Variants in C8orf34 observed in about 807,000 individuals in gnomAD.
C8orf34 encodes uncharacterized protein C8orf34.
Under a neutral mutation model 68.3 loss-of-function variants are expected in C8orf34, and 65 were observed. That is an observed-to-expected ratio of 0.95 (90% CI 0.78 to 1.17). The LOEUF is 1.17. C8orf34 is among the 50% of genes most tolerant of loss of function. The pLI, the probability that C8orf34 is intolerant of heterozygous loss-of-function variation, is 0.00. For missense variants in C8orf34, 664 were observed against 655.4 expected (o/e 1.01, Z -0.14); for synonymous variants, 244 against 241.2 (o/e 1.01, Z -0.11).
At chr8:68,613,937 C>T (rs968813251) in intron 7 of C8orf34, among the ~76,000 whole-genome samples, 15 of 152,134 alleles carry the variant, frequency 9.9e-5, no homozygotes, top group South Asian at 2.1e-4. Flanking sequence ...TTCTCCACAT[C>T]CTCTCCAGCA....
chr8:68,661,178 T>C (rs1386836466), intron 8 of C8orf34, among the ~76,000 whole-genome samples: 4 of 152,180 alleles, frequency 2.6e-5, no homozygotes, highest in Admixed American at 6.5e-5. Flanking sequence ...AGCGTGGTCA[T>C]TGGACGCAGC....
chr8:68,485,724 A>AAAT (rs1813049789), intron 4 of C8orf34, among the ~76,000 whole-genome samples: 42 of 147,286 alleles, frequency 2.9e-4, no homozygotes, highest in African/African-American at 1.0e-3. Flanking sequence ...AAAAAAATAA[A>AAAT]AAATAAATAA....
At chr8:68,444,561 G>A (rs902305288) in intron 2 of C8orf34, among the ~76,000 whole-genome samples, 6 of 151,974 alleles carry the variant, frequency 3.9e-5, no homozygotes, top group African/African-American at 1.4e-4. Flanking sequence ...AGTGTAGGTG[G>A]ACTCTTCTTT....
At chr8:68,468,894 A>G (rs1486798751) in intron 4 of C8orf34, 74 bp downstream of exon 4, 7 of 1,490,500 alleles carry the variant, frequency 4.7e-6, no homozygotes, top group East Asian at 2.3e-5. Context: ...ACTTGTGCCA[A>G]TAACCCATTT....
chr8:68,379,710 T>A (rs1359936266), intron 1 of C8orf34, among the ~76,000 whole-genome samples: 1 of 152,186 alleles, frequency 6.6e-6, no homozygotes, highest in Non-Finnish European at 1.5e-5. Context: ...AAAGCTCAAA[T>A]AAAATAAACC....
chr8:68,557,200 G>T (rs1816281369), intron 7 of C8orf34, among the ~76,000 whole-genome samples: 1 of 152,064 alleles, frequency 6.6e-6, no homozygotes, highest in African/African-American at 2.4e-5. Context: ...CCTGTGTTTT[G>T]TAATTAACTT....
chr8:68,534,708 T>C, intron 7 of C8orf34: 1 of 985,368 alleles, frequency 1.0e-6, no homozygotes, highest in Non-Finnish European at 1.2e-6. Flanking sequence ...TAACTATACC[T>C]GTAAATGGTT....
intron 12 of C8orf34, among the ~76,000 whole-genome samples, chr8:68,808,637 ATTAT>A (rs1280552524): frequency 6.6e-6 from 1 of 151,838 alleles, no homozygotes; most frequent in Non-Finnish European, 1.5e-5. Flanking sequence ...TAATGTAGAG[ATTAT>A]TTAAAATATA....
At chr8:68,758,763 T>A (rs1822942359) in intron 10 of C8orf34, among the ~76,000 whole-genome samples, 1 of 151,690 alleles carries the variant, frequency 6.6e-6, no homozygotes, top group Admixed American at 6.6e-5. Flanking sequence ...GTTTTTATTT[T>A]TTTATGATTC....
intron 7 of C8orf34, among the ~76,000 whole-genome samples, chr8:68,622,806 G>A (rs1209896444): frequency 6.6e-6 from 1 of 152,142 alleles, no homozygotes; most frequent in South Asian, 2.1e-4. Context: ...ACAAAAATTG[G>A]TGAAAGAGCA....
At chr8:68,511,654 A>G (rs987203502) in intron 5 of C8orf34, among the ~76,000 whole-genome samples, 2 of 152,208 alleles carry the variant, frequency 1.3e-5, no homozygotes, top group Admixed American at 6.5e-5. Flanking sequence ...AGAGGGCTGA[A>G]CATACTGACA....
At chr8:68,396,174 A>C (rs184193351) in intron 1 of C8orf34, among the ~76,000 whole-genome samples, 41 of 152,174 alleles carry the variant, frequency 2.7e-4, no homozygotes, top group Non-Finnish European at 4.7e-4. Context: ...AATAGAAGAC[A>C]TATTTTATTC....
At chr8:68,660,336 C>T (rs925399965) in intron 8 of C8orf34, among the ~76,000 whole-genome samples, 14 of 152,118 alleles carry the variant, frequency 9.2e-5, no homozygotes, top group Admixed American at 7.2e-4. Context: ...GAAGAAATGT[C>T]CATCTTCCTT....
chr8:68,574,905 G>A (rs1816857898), intron 7 of C8orf34, among the ~76,000 whole-genome samples: 1 of 151,718 alleles, frequency 6.6e-6, no homozygotes, highest in South Asian at 2.1e-4. Context: ...AGCAAATAGG[G>A]AGTGTCTATA....
chr8:68,330,806 CACG>C, upstream of C8orf34: 1 of 470,992 alleles, frequency 2.1e-6, no homozygotes, highest in African/African-American at 3.1e-5. Context: ...CACACACACA[CACG>C]CACGCACGCA....
At chr8:68,786,316 C>T (rs942167415) in intron 11 of C8orf34, among the ~76,000 whole-genome samples, 3 of 152,108 alleles carry the variant, frequency 2.0e-5, no homozygotes, top group East Asian at 1.9e-4. Context: ...TTCTTTTCTT[C>T]GTTACCTCCT....
At chr8:68,549,475 G>GA (rs1159226196) in intron 7 of C8orf34, among the ~76,000 whole-genome samples, 2 of 151,640 alleles carry the variant, frequency 1.3e-5, no homozygotes, top group Non-Finnish European at 3.0e-5. Context: ...TTTCTATGGT[G>GA]ATGGAAATAT....
intron 1 of C8orf34, among the ~76,000 whole-genome samples, chr8:68,383,743 C>T (rs1465319747): frequency 6.6e-6 from 1 of 152,150 alleles, no homozygotes; most frequent in Admixed American, 6.6e-5. Flanking sequence ...TTGACTTGTG[C>T]TGAGAATTGC....
At chr8:68,621,077 T>C (rs1239351810) in intron 7 of C8orf34, among the ~76,000 whole-genome samples, 2 of 152,180 alleles carry the variant, frequency 1.3e-5, no homozygotes, top group African/African-American at 4.8e-5. Context: ...ATATGAAAAG[T>C]GTTCTTCATA....
Sources: gnomAD v4.1 joint callset for allele counts (sites outside exome capture counted in the v4.1 genomes callset) on GRCh38, gnomAD v4.1.1 for gene constraint, MANE v1.5 for transcripts, NCBI Gene and HGNC (gene_info 2026-07-23, HGNC 2026-07-21) for gene names.